GFOD1: variants seen among roughly 807,000 people sequenced by gnomAD.
GFOD1 encodes glucose-fructose oxidoreductase domain-containing protein 1.
GFOD1 carries 9 observed loss-of-function variants against 25.4 expected under a neutral mutation model. The ratio of observed to expected loss-of-function variants is 0.35; its 90% CI spans 0.21 to 0.62. The LOEUF (loss-of-function observed/expected upper bound fraction) is 0.62. GFOD1 is among the 20% of genes least tolerant of loss of function. GFOD1 has a pLI of 0.72. For missense variants in GFOD1, 403 were observed against 556.9 expected (o/e 0.72, Z 2.78); for synonymous variants, 253 against 245.6 (o/e 1.03, Z -0.28).
chr6:13,410,458 T>C (rs1377924582), intron 1 of GFOD1, among the ~76,000 whole-genome samples: 1 of 151,830 alleles, frequency 6.6e-6, no homozygotes, highest in Admixed American at 6.6e-5. Flanking sequence ...TCGCAGCTAC[T>C]CGGGAGGTTG....
intron 1 of GFOD1, among the ~76,000 whole-genome samples, chr6:13,426,106 C>G (rs1046907270): frequency 6.6e-6 from 1 of 152,182 alleles, no homozygotes; most frequent in African/African-American, 2.4e-5. Context: ...GCACACGATG[C>G]GAGATGCAAA....
intron 1 of GFOD1, among the ~76,000 whole-genome samples, chr6:13,410,005 G>GTTTTTT (rs56252038): frequency 8.2e-6 from 1 of 121,630 alleles, no homozygotes; most frequent in Non-Finnish European, 1.6e-5. Context: ...CGGATTTTTA[G>GTTTTTT]TTTTTTTTTT....
chr6:13,443,063 T>TCA, intron 1 of GFOD1, among the ~76,000 whole-genome samples: 1 of 152,198 alleles, frequency 6.6e-6, no homozygotes, highest in Admixed American at 6.5e-5. Context: ...ATATCAACAT[T>TCA]GACAGGAGTT....
Position 13,360,636 on chromosome 6 carries a change from G to T in GFOD1, c.*4107C>A, listed in dbSNP as rs1310124094. ...GGAAGTCAATTTTAAAAAAGGCTGA[G>T]TGATATTTCCATTTTGGAATGGGAA... is the stretch of plus-strand genomic sequence containing the variant. On this transcript the variant is annotated 3_prime_UTR_variant, in exon 2 of 2. Transcript: ENST00000379287. 2.3e-6 allele frequency: 1 copy of T among 444,422 alleles called. No individual in the cohort carries two copies. The highest frequency in any genetic ancestry group is 2.4e-5 in the Admixed American group (1 of 42,278). The allele number at this position is 444,422 out of a possible 1,614,324, so 27.5% of individuals were successfully genotyped here. A position where few individuals can be genotyped will look rare whatever the true frequency, so the allele number is the denominator to read the frequency against.
intron 1 of GFOD1, among the ~76,000 whole-genome samples, chr6:13,436,943 C>A (rs1412314743): frequency 1.3e-5 from 2 of 152,200 alleles, no homozygotes; most frequent in African/African-American, 4.8e-5. Context: ...AGAGCCAGCT[C>A]ATATGGACAG....
intron 1 of GFOD1, among the ~76,000 whole-genome samples, chr6:13,460,501 G>A (rs1162194963): frequency 6.6e-6 from 1 of 152,186 alleles, no homozygotes; most frequent in Non-Finnish European, 1.5e-5. Context: ...TCAAGATCAT[G>A]TCCTTTGCAG....
intron 1 of GFOD1, among the ~76,000 whole-genome samples, chr6:13,406,352 G>A (rs1028565092): frequency 6.6e-6 from 1 of 152,156 alleles, no homozygotes; most frequent in Non-Finnish European, 1.5e-5. Flanking sequence ...GCTTTCTGTA[G>A]CACCCCTCCT....
At chr6:13,453,144 CGTTTT>C (rs1363568754) in intron 1 of GFOD1, among the ~76,000 whole-genome samples, 2 of 152,162 alleles carry the variant, frequency 1.3e-5, no homozygotes, top group African/African-American at 4.8e-5. Context: ...AGGTTCATTT[CGTTTT>C]GTTTTTCAAA....
At chr6:13,366,043 C>T (rs1248297970) in intron 1 of GFOD1, among the ~76,000 whole-genome samples, 1 of 151,334 alleles carries the variant, frequency 6.6e-6, no homozygotes, top group East Asian at 1.9e-4. Flanking sequence ...CTGCAGTGAG[C>T]TATGTTCTGG....
Position 13,487,146 on chromosome 6 carries a change from C to A in GFOD1, c.-256G>T. 1 of 453,656 alleles carries A rather than the reference C, an allele frequency of 2.2e-6. No individual in the cohort carries two copies. 28.1% of individuals were successfully genotyped at this position (453,656 alleles called of 1,614,324 possible). A position where few individuals can be genotyped will look rare whatever the true frequency, so the allele number is the denominator to read the frequency against. ...CTCGCGTCCTTCCCGGAGTCGGCGGCAGGGACCCCCCCAGGGCGCCGGAGG... is the reference window on the plus strand; with the variant it reads ...CTCGCGTCCTTCCCGGAGTCGGCGGAAGGGACCCCCCCAGGGCGCCGGAGG... On this transcript the variant is annotated 5_prime_UTR_variant, in exon 1 of 2. Transcript: ENST00000379287. The surrounding 1 kb of genome is among the most constrained non-coding windows in gnomAD (Gnocchi z 4.9).
At chr6:13,411,344 T>C (rs968227477) in intron 1 of GFOD1, among the ~76,000 whole-genome samples, 2 of 152,160 alleles carry the variant, frequency 1.3e-5, no homozygotes, top group Non-Finnish European at 2.9e-5. Context: ...CAGGCTGGAG[T>C]GCAGTGGCGC....
Position 13,365,123 on chromosome 6 carries a change from G to T in GFOD1, c.793C>A (p.Leu265Met). 6.2e-7 allele frequency: 1 copy of T among 1,613,100 alleles called. No homozygotes were observed. The change falls in exon 2 of 2, where the codon CTG becomes ATG. Residue 265 changes from leucine (L) to methionine (M), a missense_variant. Coordinates refer to ENST00000379287, the MANE Select transcript of GFOD1 (RefSeq NM_018988.4). This position sits in a 1 kb window ranked among gnomAD's most constrained non-coding sequence, Gnocchi z 9.2. ...GGGGCGCTGTTGCGCTGCCCGTACA[G>T]GTCGGTGCCCACGGCCAGCAGGCGC... ...AGRLLAVGTD[L>M]YGQRNSAPEQ...
At chr6:13,392,360 AAAAG>A (rs963082412) in intron 1 of GFOD1, among the ~76,000 whole-genome samples, 9 of 151,660 alleles carry the variant, frequency 5.9e-5, no homozygotes, top group African/African-American at 2.2e-4. Flanking sequence ...AAAAAAAAAA[AAAAG>A]AAAAGAGAAA....
chr6:13,399,290 G>T (rs1307948861), intron 1 of GFOD1, among the ~76,000 whole-genome samples: 1 of 152,088 alleles, frequency 6.6e-6, no homozygotes, highest in Non-Finnish European at 1.5e-5. Flanking sequence ...TGGAATTACA[G>T]GTGCAAGCCA....
chr6:13,486,247 T>TCCCCCC (rs373896526), intron 1 of GFOD1: 84 of 116,320 alleles, frequency 7.2e-4, no homozygotes, highest in African/African-American at 1.7e-3. Context: ...CACCCCCCCA[T>TCCCCCC]CCCCCCCCCC....
intron 1 of GFOD1, among the ~76,000 whole-genome samples, chr6:13,409,370 A>T (rs1428328194): frequency 7.0e-5 from 1 of 14,374 alleles, no homozygotes; most frequent in African/African-American, 1.2e-4. Context: ...AGACAGAGGA[A>T]GGAAGGAAGG....
chr6:13,411,574 G>C (rs1311228364), intron 1 of GFOD1, among the ~76,000 whole-genome samples: 3 of 152,100 alleles, frequency 2.0e-5, no homozygotes, highest in Non-Finnish European at 2.9e-5. Context: ...TTACAGGCTT[G>C]AGCCACCGCG....
chr6:13,409,161 A>AG (rs1786012599), intron 1 of GFOD1, among the ~76,000 whole-genome samples: 2 of 48,076 alleles, frequency 4.2e-5, no homozygotes, highest in East Asian at 5.8e-4. Context: ...GAGGAAAGAA[A>AG]GAAAGGAAAG....
intron 1 of GFOD1, among the ~76,000 whole-genome samples, chr6:13,386,216 C>G (rs990925210): frequency 6.6e-6 from 1 of 152,020 alleles, no homozygotes; most frequent in Non-Finnish European, 1.5e-5. Flanking sequence ...AAACAACAGC[C>G]TCAGTGTTCA....
Sources: allele counts gnomAD v4.1 joint callset (sites outside exome capture counted in the v4.1 genomes callset), GRCh38; gene constraint gnomAD v4.1.1; non-coding constraint Gnocchi (gnomAD v3.1); transcripts MANE v1.5; gene names NCBI Gene and HGNC (gene_info 2026-07-23, HGNC 2026-07-21).